Variants in DPP10 observed in about 807,000 individuals in gnomAD.
The protein encoded by DPP10 is inactive dipeptidyl peptidase 10.
DPP10 carries 33 observed loss-of-function variants against 120.9 expected under a neutral mutation model. The ratio of observed to expected loss-of-function variants is 0.27; its 90% CI spans 0.21 to 0.37. The LOEUF is 0.37. DPP10 is among the 10% of genes least tolerant of loss of function. DPP10 has a pLI of 1.00. For synonymous variants in DPP10, 337 were observed against 326.1 expected, an observed-to-expected ratio of 1.03 and a Z score of -0.36; for missense variants, 816 against 942.8, an observed-to-expected ratio of 0.87 and a Z score of 1.76.
intron 1 of DPP10, among the ~76,000 whole-genome samples, chr2:115,006,126 A>G (rs2105044733): frequency 6.6e-6 from 1 of 152,314 alleles, no homozygotes; most frequent in South Asian, 2.1e-4. Flanking sequence ...TAAGTTTCAT[A>G]AGTGAAGGAG....
intron 1 of DPP10, among the ~76,000 whole-genome samples, chr2:114,737,500 G>A (rs2105970261): frequency 6.6e-6 from 1 of 152,322 alleles, no homozygotes; most frequent in Non-Finnish European, 1.5e-5. Context: ...TGTAAAGAAA[G>A]CTTGATGGAA....
intron 3 of DPP10, among the ~76,000 whole-genome samples, chr2:115,427,175 C>T (rs1224368571): frequency 6.6e-6 from 1 of 152,174 alleles, no homozygotes; most frequent in Non-Finnish European, 1.5e-5. Context: ...GTCTTTTCCG[C>T]ACTGAAGTTT....
chr2:114,651,248 G>A (rs1224994596), intron 1 of DPP10, among the ~76,000 whole-genome samples: 3 of 152,140 alleles, frequency 2.0e-5, no homozygotes, highest in African/African-American at 7.2e-5. Flanking sequence ...GGGACTTGAA[G>A]GTATGTGTTG....
chr2:114,720,639 A>G (rs566986197), intron 1 of DPP10, among the ~76,000 whole-genome samples: 2 of 152,362 alleles, frequency 1.3e-5, no homozygotes, highest in African/African-American at 2.4e-5. Flanking sequence ...GGAAAGAACA[A>G]TTGTCTAAGT....
chr2:115,726,253 A>G (rs1353492249), intron 7 of DPP10, among the ~76,000 whole-genome samples: 2 of 152,194 alleles, frequency 1.3e-5, no homozygotes, highest in African/African-American at 2.4e-5. Flanking sequence ...GGGATAATTT[A>G]CATATCAGCT....
intron 1 of DPP10, among the ~76,000 whole-genome samples, chr2:114,849,814 C>T (rs1688812554): frequency 6.6e-6 from 1 of 152,088 alleles, no homozygotes; most frequent in African/African-American, 2.4e-5. Context: ...CACAACATGC[C>T]CAGAGTAGTC....
At chr2:115,405,804 A>T (rs1056472596) in intron 3 of DPP10, among the ~76,000 whole-genome samples, 4 of 152,182 alleles carry the variant, frequency 2.6e-5, no homozygotes, top group African/African-American at 7.2e-5. Flanking sequence ...AGCAGCTGGG[A>T]TGCATGGAGC....
intron 1 of DPP10, among the ~76,000 whole-genome samples, chr2:114,634,895 A>G (rs1482150530): frequency 3.3e-5 from 5 of 151,872 alleles, no homozygotes; most frequent in Non-Finnish European, 7.4e-5. Context: ...AAAATTTTCT[A>G]AGAGTTGATG....
At chr2:115,595,252 T>A (rs2082916923) in intron 5 of DPP10, among the ~76,000 whole-genome samples, 1 of 152,130 alleles carries the variant, frequency 6.6e-6, no homozygotes, top group Non-Finnish European at 1.5e-5. Context: ...TCTTCCCTTT[T>A]TTTGCAGTTT....
intron 1 of DPP10, among the ~76,000 whole-genome samples, chr2:114,858,880 A>T (rs1436749708): frequency 2.0e-5 from 3 of 152,176 alleles, no homozygotes; most frequent in Admixed American, 2.0e-4. Context: ...TGGGCAGCTA[A>T]TGAGAGCCAG....
chr2:115,779,005 A>G (rs1384453560), intron 15 of DPP10, among the ~76,000 whole-genome samples: 3 of 152,042 alleles, frequency 2.0e-5, no homozygotes, highest in African/African-American at 4.8e-5. Flanking sequence ...TATGATTGAT[A>G]TCGGTAGCCA....
intron 1 of DPP10, among the ~76,000 whole-genome samples, chr2:114,496,466 T>C (rs1363246002): frequency 6.6e-6 from 1 of 152,144 alleles, no homozygotes; most frequent in Non-Finnish European, 1.5e-5. Flanking sequence ...GCAGATTCAG[T>C]GTCTGGTGAA....
rs371126250 is a variant in DPP10 at position 114,691,361 on chromosome 2, TCA to T, written c.60+248526_60+248527del. 6.9e-3 allele frequency among the ~76,000 whole-genome samples: 1,046 copies of T among 152,264 alleles called. 21 individuals are homozygous for T. The highest frequency in any genetic ancestry group is 0.024 in the African/African-American group (1,003 of 41,536). On this transcript the variant is annotated intron_variant, in intron 1 of 25. Transcript: ENST00000410059. ...TCTATAGTTCTGTTGATGTGAGGAA[TCA>T]CAGTTATTGATTTGTGTACATTTAA...
At chr2:114,918,254 A>ATC (rs1376078882) in intron 1 of DPP10, among the ~76,000 whole-genome samples, 1 of 152,194 alleles carries the variant, frequency 6.6e-6, no homozygotes, top group Non-Finnish European at 1.5e-5. Flanking sequence ...ATGAAATACC[A>ATC]TCACACACCA....
At chr2:114,531,348 A>T (rs933041155) in intron 1 of DPP10, among the ~76,000 whole-genome samples, 4 of 152,018 alleles carry the variant, frequency 2.6e-5, no homozygotes, top group African/African-American at 9.7e-5. Context: ...AGTACTGCTT[A>T]TGTCACGTGT....
intron 1 of DPP10, among the ~76,000 whole-genome samples, chr2:115,094,196 A>G (rs1709525519): frequency 6.6e-6 from 1 of 152,158 alleles, no homozygotes; most frequent in Non-Finnish European, 1.5e-5. Context: ...TTTGATGTGC[A>G]AATTAAAATC....
intron 1 of DPP10, among the ~76,000 whole-genome samples, chr2:115,049,361 G>A (rs1316314846): frequency 1.3e-5 from 2 of 152,064 alleles, no homozygotes; most frequent in Non-Finnish European, 2.9e-5. Context: ...TACCAAGCTT[G>A]AGAAAAGAGA....
intron 9 of DPP10, among the ~76,000 whole-genome samples, chr2:115,743,732 T>A (rs1312499697): frequency 7.0e-6 from 1 of 142,730 alleles, no homozygotes; most frequent in East Asian, 1.9e-4. Flanking sequence ...AAGAAGTGTT[T>A]GTCTCATTTT....
chr2:115,605,930 A>T (rs182649491), intron 5 of DPP10, among the ~76,000 whole-genome samples: 1 of 152,134 alleles, frequency 6.6e-6, no homozygotes, highest in East Asian at 1.9e-4. Context: ...ACTCCAAGTT[A>T]TCATGACTTC....
Sources: allele counts gnomAD v4.1 joint callset (sites outside exome capture counted in the v4.1 genomes callset), GRCh38; gene constraint gnomAD v4.1.1; transcripts MANE v1.5; gene names NCBI Gene and HGNC (gene_info 2026-07-23, HGNC 2026-07-21).